The following BICD2 variants were observed in gnomAD, a reference collection of about 807,000 sequenced individuals.
The protein encoded by BICD2 is BICD cargo adaptor 2, also known as protein bicaudal D homolog 2.
In BICD2, 25 loss-of-function variants were observed where a neutral mutation model predicts 72.9. The observed-to-expected ratio is 0.34, with a 90% CI of 0.25 to 0.48. The LOEUF (loss-of-function observed/expected upper bound fraction) is 0.48, where lower values mean the gene tolerates loss of function less well. Ranked by LOEUF, BICD2 falls within the 20% of genes least tolerant of loss-of-function variation. The pLI is 0.99. For synonymous variants in BICD2, 501 were observed against 516.1 expected, an observed-to-expected ratio of 0.97 and a Z score of 0.40; for missense variants, 894 against 1,175.2, an observed-to-expected ratio of 0.76 and a Z score of 3.50.
At position 92,764,777 on chromosome 9, in the gene BICD2, G is replaced by C. The variant is rs754859861; in HGVS notation, c.-33C>G. 6.9e-7 allele frequency: 1 copy of C among 1,455,350 alleles called. No homozygotes were observed. The highest frequency in any genetic ancestry group is 2.3e-5 in the Admixed American group (1 of 43,626). 90.2% of individuals were successfully genotyped at this position (1,455,350 alleles called of 1,614,324 possible). On this transcript the variant is annotated 5_prime_UTR_variant, in exon 1 of 7. Coordinates refer to ENST00000356884, the MANE Select transcript of BICD2 (RefSeq NM_001003800.2). The surrounding 1 kb of genome is among the most constrained non-coding windows in gnomAD (Gnocchi z 5.5). ...GAGGGCTGAGCCGGCTCCCACTGAG[G>C]CTCTCGCAGGCCGGGCCCTCCTCAG... is the stretch of plus-strand genomic sequence containing the variant.
At chr9:92,732,830 AAAT>A (rs1327425466) in intron 1 of BICD2, among the ~76,000 whole-genome samples, 2 of 152,252 alleles carry the variant, frequency 1.3e-5, no homozygotes, top group Non-Finnish European at 2.9e-5. Context: ...GGCAGAAGAA[AAAT>A]AATACCATAT....
rs1328193131 is a variant in BICD2 at position 92,712,648 on chromosome 9, T to C, written c.*2506A>G. On this transcript the variant is annotated 3_prime_UTR_variant, in exon 7 of 7. Transcript: ENST00000356884. ...AAAACCCAGAAAATTCTGGAATTTG[T>C]AGGTAATACTACTCATTCAATAATT... 6.6e-6 allele frequency: 1 copy of C among 152,544 alleles called. No individual in the cohort carries two copies. The highest frequency in any genetic ancestry group is 1.5e-5 in the Non-Finnish European group (1 of 68,044). The allele number at this position is 152,544 out of a possible 1,614,324, so 9.4% of individuals were successfully genotyped here.
In BICD2 at chr9:92,720,252, C is replaced by T. The variant is rs369921309; in HGVS notation, c.1062+48G>A. Reference sequence around the variant, plus strand: ...GGTAAGCACTGCTCGGGGAGCCCTGCAGACCTGGAGTGGGGACAGCGTGCC... The same window carrying T: ...GGTAAGCACTGCTCGGGGAGCCCTGTAGACCTGGAGTGGGGACAGCGTGCC... On this transcript the variant is annotated intron_variant, in intron 4 of 6. Transcript: ENST00000356884. The surrounding 1 kb of genome is among the most constrained non-coding windows in gnomAD (Gnocchi z 5.4). 2.5e-5 allele frequency: 39 copies of T among 1,547,150 alleles called. No homozygotes were observed. The African/African-American group carries it at 4.8e-4, about 19-fold the overall frequency.
intron 1 of BICD2, among the ~76,000 whole-genome samples, chr9:92,742,863 C>T (rs746967023): frequency 5.3e-5 from 8 of 152,218 alleles, no homozygotes; most frequent in Admixed American, 6.5e-5. Flanking sequence ...TTTCAAGGTT[C>T]GCCCATGTTG....
At chr9:92,733,159 G>A (rs554923841) in intron 1 of BICD2, among the ~76,000 whole-genome samples, 3 of 152,170 alleles carry the variant, frequency 2.0e-5, no homozygotes, top group Non-Finnish European at 4.4e-5. Flanking sequence ...AGAGACCAAC[G>A]GGATAGAATA....
rs1029796850 is a variant in BICD2 at position 92,714,918 on chromosome 9, C to G, written c.*236G>C. ...GTGCAGCTCTATCCCCACCTCTGAC[C>G]CCCACCTAAGAGAGCAGCTGAGGAC... is the stretch of plus-strand genomic sequence containing the variant. On this transcript the variant is annotated 3_prime_UTR_variant, in exon 7 of 7. Transcript: ENST00000356884. The G allele has an allele frequency of 3.7e-6, 5 of 1,346,194 alleles. No individual in the cohort carries two copies. The highest frequency in any genetic ancestry group is 3.8e-6 in the Non-Finnish European group (4 of 1,051,758). 83.4% of individuals were successfully genotyped at this position (1,346,194 alleles called of 1,614,324 possible). A position where few individuals can be genotyped will look rare whatever the true frequency, so the allele number is the denominator to read the frequency against.
chr9:92,755,668 T>A (rs905180643), intron 1 of BICD2, among the ~76,000 whole-genome samples: 2 of 152,180 alleles, frequency 1.3e-5, no homozygotes, highest in African/African-American at 4.8e-5. Flanking sequence ...AGGTCACATT[T>A]TAGGACACCC....
At position 92,734,779 on chromosome 9, in the gene BICD2, G is replaced by C. The variant is rs1293274153; in HGVS notation, c.241-5543C>G. ...GGGCCTCCTAGGCTGGTGCCCTGCA[G>C]GGTATGATCCCCTGCCCACCCACAG... On this transcript the variant is annotated intron_variant, in intron 1 of 6. Coordinates refer to ENST00000356884, the MANE Select transcript of BICD2 (RefSeq NM_001003800.2). Among the ~76,000 whole-genome samples the C allele has an allele frequency of 2.0e-5, 3 of 152,146 alleles. No individual in the cohort carries two copies. The East Asian group carries it at 5.8e-4, about 29-fold the overall frequency.
chr9:92,744,612 C>T (rs1460700989), intron 1 of BICD2, among the ~76,000 whole-genome samples: 2 of 152,040 alleles, frequency 1.3e-5, no homozygotes, highest in African/African-American at 4.8e-5. Context: ...GAGGCCGAGG[C>T]GGGCGGATCA....
At chr9:92,760,863 AG>A (rs1287866018) in intron 1 of BICD2, among the ~76,000 whole-genome samples, 1 of 152,224 alleles carries the variant, frequency 6.6e-6, no homozygotes, top group Non-Finnish European at 1.5e-5. Context: ...CAATGTTCTC[AG>A]GGGTTATCAG....
In BICD2 at chr9:92,719,394, G is replaced by C. The variant is rs1012482201; in HGVS notation, c.1251C>G (p.Asp417Glu). The change falls in exon 5 of 7, where the codon GAC becomes GAG. Residue 417 changes from aspartate to glutamate, a missense_variant. Asp to Glu is a conservative substitution (Grantham distance 45). Coordinates refer to ENST00000356884, the MANE Select transcript of BICD2 (RefSeq NM_001003800.2). ...QTALDNEKDR[D>E]SHEDGDYYEV... is the part of the protein sequence containing the mutation. ...CGTAGTAGTCCCCATCCTCATGGCT[G>C]TCACGGTCCTTCTCGTTGTCCAGGG... 1 of 1,614,192 alleles carries C rather than the reference G, an allele frequency of 6.2e-7. No individual in the cohort carries two copies. Among genetic ancestry groups the C allele is most frequent in the East Asian group, 2.2e-5 (1 of 44,884 alleles).
chr9:92,747,499 G>A (rs1213219495), intron 1 of BICD2, among the ~76,000 whole-genome samples: 2 of 152,132 alleles, frequency 1.3e-5, no homozygotes, highest in African/African-American at 4.8e-5. Context: ...AGGACAGGGG[G>A]GTCACCAGGG....
rs1238267522 is a variant in BICD2 at position 92,719,402 on chromosome 9, CCTT to C, written c.1240_1242del (p.Lys414del). On this transcript the variant is annotated inframe_deletion, in exon 5 of 7. Transcript: ENST00000356884. Reference sequence around the variant, plus strand: ...TCCCCATCCTCATGGCTGTCACGGTCCTTCTCGTTGTCCAGGGCTGTCTGCCGC... The same window carrying C: ...TCCCCATCCTCATGGCTGTCACGGTCCTCGTTGTCCAGGGCTGTCTGCCGC... 1.9e-6 allele frequency: 3 copies of C among 1,614,204 alleles called. No homozygotes were observed. Among genetic ancestry groups the C allele is most frequent in the Non-Finnish European group, 2.5e-6 (3 of 1,180,040 alleles).
intron 1 of BICD2, 23 bp from the exon 2 acceptor site, chr9:92,729,259 C>G: frequency 6.2e-7 from 1 of 1,612,054 alleles, no homozygotes; most frequent in Admixed American, 1.7e-5. Flanking sequence ...ACAAGACACT[C>G]GTGAGGTGGG....
intron 1 of BICD2, among the ~76,000 whole-genome samples, chr9:92,763,712 C>G (rs180847593): frequency 1.7e-4 from 26 of 152,332 alleles, no homozygotes; most frequent in African/African-American, 5.1e-4. Context: ...TACTCTCCCC[C>G]CAGTGGGAAT....
intron 1 of BICD2, among the ~76,000 whole-genome samples, chr9:92,761,288 C>T (rs1254067676): frequency 6.6e-6 from 1 of 152,186 alleles, no homozygotes; most frequent in African/African-American, 2.4e-5. Flanking sequence ...GCTGCAGGTG[C>T]AGCAGCAAGG....
In BICD2 at chr9:92,712,634, A is replaced by C. The variant is rs1227864014; in HGVS notation, c.*2520T>G. ...CTTCACAACGTCCTAAAACCCAGAA[A>C]ATTCTGGAATTTGTAGGTAATACTA... On this transcript the variant is annotated 3_prime_UTR_variant, in exon 7 of 7. Transcript: ENST00000356884. 1.3e-5 allele frequency: 2 copies of C among 152,522 alleles called. No individual in the cohort carries two copies. The highest frequency in any genetic ancestry group is 2.9e-5 in the Non-Finnish European group (2 of 68,034). The allele number at this position is 152,522 out of a possible 1,614,324, so 9.4% of individuals were successfully genotyped here. A position where few individuals can be genotyped will look rare whatever the true frequency, so the allele number is the denominator to read the frequency against.
At chr9:92,759,063 C>T (rs1184984589) in intron 1 of BICD2, among the ~76,000 whole-genome samples, 1 of 152,042 alleles carries the variant, frequency 6.6e-6, no homozygotes. Context: ...CAAACCATGA[C>T]AATTATTTCA....
Position 92,764,305 on chromosome 9 carries a change from G to A in BICD2, c.240+200C>T, listed in dbSNP as rs2131542297. 6.6e-6 allele frequency among the ~76,000 whole-genome samples: 1 copy of A among 152,292 alleles called. No individual in the cohort carries two copies. The highest frequency in any genetic ancestry group is 3.4e-3 in the Middle Eastern group (1 of 294). ...AGGCGCCCGGACCCCTGCATTAGCG[G>A]CGTCTGCAACGGCCGCGGCACCGGC... On this transcript the variant is annotated intron_variant, in intron 1 of 6. Coordinates refer to ENST00000356884, the MANE Select transcript of BICD2 (RefSeq NM_001003800.2). This position sits in a 1 kb window ranked among gnomAD's most constrained non-coding sequence, Gnocchi z 5.5.
Sources: gnomAD v4.1 joint callset for allele counts (sites outside exome capture counted in the v4.1 genomes callset) on GRCh38, gnomAD v4.1.1 for gene constraint, Gnocchi (gnomAD v3.1) non-coding constraint, MANE v1.5 for transcripts, NCBI Gene and HGNC (gene_info 2026-07-23, HGNC 2026-07-21) for gene names.